RANBP2: variants seen among roughly 807,000 people sequenced by gnomAD.
RANBP2 encodes RAN binding protein 2.
Under a neutral mutation model 303.6 loss-of-function variants are expected in RANBP2, and 57 were observed. The ratio of observed to expected loss-of-function variants is 0.19; its 90% confidence interval spans 0.15 to 0.23. The LOEUF (loss-of-function observed/expected upper bound fraction) is 0.23. Ranked by LOEUF, RANBP2 falls within the 10% of genes least tolerant of loss-of-function variation. The pLI is 1.00. For synonymous variants in RANBP2, 1,167 were observed against 1,301.5 expected (o/e 0.90, Z 2.23); for missense variants, 3,138 against 3,780.8 (o/e 0.83, Z 4.46).
the RANBP2 span, chr2:109,594,892 T>A: frequency 6.6e-6 from 1 of 151,928 alleles, no homozygotes; most frequent in African/African-American, 2.4e-5. Flanking sequence ...AATAACAATG[T>A]GTTTTTTTTT....
chr2:109,596,308 T>C, the RANBP2 span, among the ~76,000 whole-genome samples: 2 of 152,158 alleles, frequency 1.3e-5, no homozygotes, highest in African/African-American at 2.4e-5. Flanking sequence ...AAGTAAAATT[T>C]GCTTAGAAAA....
At chr2:108,719,961 C>T (rs546991562) in intron 1 of RANBP2, 3 of 985,362 alleles carry the variant, frequency 3.0e-6, no homozygotes, top group Admixed American at 6.1e-5. Flanking sequence ...CGCCCTGGCC[C>T]GGGCTTTCTG....
chr2:108,924,107 G>A, the RANBP2 span, among the ~76,000 whole-genome samples: 4 of 152,218 alleles, frequency 2.6e-5, no homozygotes, highest in African/African-American at 9.6e-5. Context: ...AAGCCTTTAC[G>A]CTGGGGCTGC....
At chr2:109,335,586 T>TC in the RANBP2 span, among the ~76,000 whole-genome samples, 1 of 152,016 alleles carries the variant, frequency 6.6e-6, no homozygotes, top group Admixed American at 6.5e-5. Flanking sequence ...GGTTTATGTG[T>TC]CCCCTTAGCA....
intron 25 of RANBP2, among the ~76,000 whole-genome samples, chr2:108,780,981 T>A (rs1678217642): frequency 6.6e-6 from 1 of 152,030 alleles, no homozygotes; most frequent in South Asian, 2.1e-4. Flanking sequence ...AGTGCTGGGA[T>A]TACAGGCGTG....
chr2:109,126,495 T>C, the RANBP2 span, among the ~76,000 whole-genome samples: 1 of 152,344 alleles, frequency 6.6e-6, no homozygotes, highest in South Asian at 2.1e-4. Flanking sequence ...CCTGCTCCTG[T>C]GGCCAAGGCA....
chr2:108,816,690 CT>C, the RANBP2 span, among the ~76,000 whole-genome samples: 1 of 152,104 alleles, frequency 6.6e-6, no homozygotes, highest in Non-Finnish European at 1.5e-5. Context: ...CCAGTCACCT[CT>C]TTTTTAAAAA....
the RANBP2 span, among the ~76,000 whole-genome samples, chr2:108,797,009 A>T: frequency 1.3e-5 from 2 of 152,198 alleles, no homozygotes. Context: ...TGTTTGAGGT[A>T]ATAGATATCC....
the RANBP2 span, among the ~76,000 whole-genome samples, chr2:109,520,982 C>A: frequency 6.6e-6 from 1 of 151,530 alleles, no homozygotes; most frequent in South Asian, 2.1e-4. Flanking sequence ...GTAATCCTAG[C>A]ACTTTGATAG....
chr2:109,633,188 T>G, the RANBP2 span, among the ~76,000 whole-genome samples: 2 of 149,822 alleles, frequency 1.3e-5, no homozygotes, highest in East Asian at 2.0e-4. Context: ...AGGTCAGGAG[T>G]TCAAGACCAG....
the RANBP2 span, among the ~76,000 whole-genome samples, chr2:109,435,650 G>T: frequency 6.6e-6 from 1 of 152,256 alleles, no homozygotes; most frequent in Non-Finnish European, 1.5e-5. Context: ...CATGAGGGCA[G>T]AGGGAAAGGG....
Position 108,767,723 on chromosome 2 carries a change from T to G in RANBP2, c.7184T>G (p.Met2395Arg). 1 of 1,612,008 alleles carries G rather than the reference T, an allele frequency of 6.2e-7. No homozygotes were observed. Among genetic ancestry groups the G allele is most frequent in the Non-Finnish European group, 8.5e-7 (1 of 1,179,854 alleles). The change falls in exon 20 of 29, where the codon ATG (methionine) becomes AGG (arginine). Residue 2395 changes from methionine (M) to arginine (R), a missense_variant. By Grantham distance (91) the Met-to-Arg change is moderately conservative. Around this residue, in one of 20 missense-constraint regions of RANBP2, gnomAD observed 92 missense variants for 211.0 expected, o/e 0.44. Transcript: ENST00000283195. ...RITPDMTLQN[M>R]KGTERVWLWT... is the part of the protein sequence containing the mutation. ...ACTCCAGACATGACTTTGCAAAATA[T>G]GAAAGGGACAGAAAGAGTATGGTTG...
At chr2:109,319,519 G>A in the RANBP2 span, among the ~76,000 whole-genome samples, 1 of 152,174 alleles carries the variant, frequency 6.6e-6, no homozygotes, top group African/African-American at 2.4e-5. Flanking sequence ...ACACATGTTA[G>A]TACAGATGTG....
the RANBP2 span, among the ~76,000 whole-genome samples, chr2:109,736,805 A>G: frequency 3.9e-5 from 6 of 152,202 alleles, no homozygotes; most frequent in African/African-American, 1.4e-4. Flanking sequence ...GGGAAAAGCA[A>G]TAGAAATGAT....
At chr2:108,991,870 G>T in the RANBP2 span, among the ~76,000 whole-genome samples, 3 of 152,186 alleles carry the variant, frequency 2.0e-5, no homozygotes, top group Non-Finnish European at 4.4e-5. Flanking sequence ...GCAGTAGCGT[G>T]ATCTTGGCCC....
the RANBP2 span, among the ~76,000 whole-genome samples, chr2:109,014,992 T>A: frequency 9.2e-5 from 14 of 151,722 alleles, no homozygotes; most frequent in East Asian, 7.8e-4. Flanking sequence ...TGGTGGCACA[T>A]GCCTGTAATC....
At chr2:109,478,679 G>T in the RANBP2 span, among the ~76,000 whole-genome samples, 5 of 151,932 alleles carry the variant, frequency 3.3e-5, no homozygotes. Context: ...TCAAAAATAC[G>T]GTGTGGTGGG....
At chr2:109,408,254 C>T in the RANBP2 span, among the ~76,000 whole-genome samples, 2 of 152,152 alleles carry the variant, frequency 1.3e-5, no homozygotes, top group Non-Finnish European at 1.5e-5. Flanking sequence ...GGAGGAAGGG[C>T]CTCGATCAGT....
the RANBP2 span, chr2:109,347,902 G>A: frequency 9.3e-6 from 15 of 1,610,896 alleles, no homozygotes; most frequent in East Asian, 2.2e-5. Context: ...TTATGATTTC[G>A]AGATGAAGGA....
Sources: allele counts gnomAD v4.1 joint callset (sites outside exome capture counted in the v4.1 genomes callset), GRCh38; gene constraint gnomAD v4.1.1; regional missense constraint gnomAD v4.1.1; transcripts MANE v1.5; gene names NCBI Gene and HGNC (gene_info 2026-07-23, HGNC 2026-07-21).